SDK1: variants seen among roughly 807,000 people sequenced by gnomAD.
SDK1 encodes protein sidekick-1.
A neutral mutation model predicts 245.5 loss-of-function variants in SDK1; 157 were observed. The ratio of observed to expected loss-of-function variants is 0.64; its 90% confidence interval spans 0.56 to 0.73. The LOEUF (loss-of-function observed/expected upper bound fraction) is 0.73. Among genes scored for constraint, SDK1 ranks in the 30% least tolerant of loss-of-function variants. The pLI, the probability that SDK1 is intolerant of heterozygous loss-of-function variation, is 0.00. For missense variants in SDK1, 3,583 were observed against 3,002.3 expected (o/e 1.19, Z -4.52); for synonymous variants, 1,647 against 1,278.5 (o/e 1.29, Z -6.15).
At chr7:3,532,990 G>C (rs1783400636) in intron 1 of SDK1, among the ~76,000 whole-genome samples, 1 of 152,144 alleles carries the variant, frequency 6.6e-6, no homozygotes, top group African/African-American at 2.4e-5. Flanking sequence ...GTACAAACAT[G>C]AACAGCTGAA....
chr7:3,500,954 G>C (rs371357701), intron 1 of SDK1, among the ~76,000 whole-genome samples: 1 of 151,760 alleles, frequency 6.6e-6, no homozygotes, highest in East Asian at 1.9e-4. Flanking sequence ...AATAGATGAA[G>C]CATTTTTTAA....
chr7:3,707,688 C>G (rs1351651337), intron 4 of SDK1, among the ~76,000 whole-genome samples: 3 of 152,164 alleles, frequency 2.0e-5, no homozygotes, highest in East Asian at 1.9e-4. Context: ...TTTATCTCAT[C>G]TCTTAGGTCT....
At chr7:3,456,475 T>C (rs1273454252) in intron 1 of SDK1, among the ~76,000 whole-genome samples, 1 of 152,216 alleles carries the variant, frequency 6.6e-6, no homozygotes, top group African/African-American at 2.4e-5. Context: ...GATTTTATGC[T>C]TTGTTATCTG....
chr7:3,825,153 TG>T (rs1406027224), intron 5 of SDK1, among the ~76,000 whole-genome samples: 1 of 152,164 alleles, frequency 6.6e-6, no homozygotes, highest in Admixed American at 6.5e-5. Flanking sequence ...AAGAAGGGTT[TG>T]GGCCTGCCTG....
chr7:3,437,704 G>C (rs1401920245), intron 1 of SDK1, among the ~76,000 whole-genome samples: 3 of 152,126 alleles, frequency 2.0e-5, no homozygotes, highest in Non-Finnish European at 2.9e-5. Flanking sequence ...AGCTGTGATC[G>C]TGCCACTGCA....
At chr7:3,862,171 G>T (rs1407055996) in intron 5 of SDK1, among the ~76,000 whole-genome samples, 1 of 152,212 alleles carries the variant, frequency 6.6e-6, no homozygotes, top group Non-Finnish European at 1.5e-5. Flanking sequence ...CCTTTATTTA[G>T]ACCAGTTCTC....
chr7:3,530,297 CT>C (rs1440639122), intron 1 of SDK1, among the ~76,000 whole-genome samples: 1 of 152,148 alleles, frequency 6.6e-6, no homozygotes, highest in Non-Finnish European at 1.5e-5. Flanking sequence ...AGAATATCAT[CT>C]GTGGTATCCT....
chr7:4,221,181 T>A, intron 39 of SDK1, 58 bp from the exon 40 acceptor site: 7 of 1,598,384 alleles, frequency 4.4e-6, no homozygotes, highest in Non-Finnish European at 6.0e-6. Flanking sequence ...TCTCACGGGG[T>A]GGGATGTGAG....
chr7:3,984,887 T>C (rs1006278355), intron 13 of SDK1, among the ~76,000 whole-genome samples: 4 of 152,220 alleles, frequency 2.6e-5, no homozygotes, highest in Admixed American at 1.3e-4. Flanking sequence ...TGCTGGTCTC[T>C]CTGTGCAGGC....
intron 25 of SDK1, among the ~76,000 whole-genome samples, chr7:4,118,479 G>A (rs973001147): frequency 3.3e-5 from 5 of 152,206 alleles, no homozygotes; most frequent in South Asian, 2.1e-4. Context: ...CGTTGCTGGT[G>A]GGAATATTAA....
chr7:3,469,459 A>G (rs1178120251), intron 1 of SDK1, among the ~76,000 whole-genome samples: 1 of 152,168 alleles, frequency 6.6e-6, no homozygotes, highest in Non-Finnish European at 1.5e-5. Context: ...CCTTGGAAGG[A>G]ATTAAGACCT....
chr7:3,588,580 G>A (rs975816080), intron 1 of SDK1, among the ~76,000 whole-genome samples: 1 of 152,130 alleles, frequency 6.6e-6, no homozygotes, highest in African/African-American at 2.4e-5. Context: ...TCATTGTTGA[G>A]GTGATGAAAG....
chr7:3,555,502 C>T (rs1167647215), intron 1 of SDK1, among the ~76,000 whole-genome samples: 1 of 152,118 alleles, frequency 6.6e-6, no homozygotes, highest in African/African-American at 2.4e-5. Context: ...CTCTCCAGGG[C>T]ATTGGATGGG....
chr7:3,850,621 T>C (rs1411083193), intron 5 of SDK1, among the ~76,000 whole-genome samples: 1 of 152,180 alleles, frequency 6.6e-6, no homozygotes, highest in Non-Finnish European at 1.5e-5. Context: ...TGTCCATCAG[T>C]GATAGACTGC....
chr7:3,628,843 A>G (rs907355295), intron 2 of SDK1, among the ~76,000 whole-genome samples: 7 of 152,164 alleles, frequency 4.6e-5, no homozygotes, highest in South Asian at 4.1e-4. Context: ...GGTGAGCCCT[A>G]TGTTTGCCCT....
intron 4 of SDK1, among the ~76,000 whole-genome samples, chr7:3,796,829 T>A (rs1204761665): frequency 6.6e-6 from 1 of 152,214 alleles, no homozygotes; most frequent in Non-Finnish European, 1.5e-5. Context: ...TCTTGTTTTT[T>A]AAAGAGACTA....
intron 14 of SDK1, among the ~76,000 whole-genome samples, chr7:3,991,112 G>A (rs1784277884): frequency 6.6e-6 from 1 of 152,224 alleles, no homozygotes; most frequent in Non-Finnish European, 1.5e-5. Context: ...TACGTACATA[G>A]TGATGTGACT....
At chr7:3,767,717 C>G (rs769830806) in intron 4 of SDK1, among the ~76,000 whole-genome samples, 6 of 152,046 alleles carry the variant, frequency 3.9e-5, no homozygotes, top group Non-Finnish European at 5.9e-5. Context: ...GAATCTGAAC[C>G]CAGGCTGTCT....
intron 4 of SDK1, among the ~76,000 whole-genome samples, chr7:3,704,848 T>C (rs903050482): frequency 6.6e-6 from 1 of 152,230 alleles, no homozygotes; most frequent in Non-Finnish European, 1.5e-5. Context: ...TTTCACCATC[T>C]TGAGTTGATT....
Sources: gnomAD v4.1 joint callset for allele counts (sites outside exome capture counted in the v4.1 genomes callset) on GRCh38, gnomAD v4.1.1 for gene constraint, MANE v1.5 for transcripts, NCBI Gene and HGNC (gene_info 2026-07-23, HGNC 2026-07-21) for gene names.